Variants in MAGI3 observed in about 807,000 individuals in gnomAD.
The protein encoded by MAGI3 is membrane-associated guanylate kinase, WW and PDZ domain-containing protein 3.
MAGI3 carries 43 observed loss-of-function variants against 121.8 expected under a neutral mutation model. The ratio of observed to expected loss-of-function variants is 0.35; its 90% CI spans 0.28 to 0.46. The LOEUF (loss-of-function observed/expected upper bound fraction) is 0.46. MAGI3 is among the 20% of genes least tolerant of loss of function. The probability of loss-of-function intolerance (pLI) is 1.00; values close to 1 mark genes in which losing one functional copy is unlikely to be tolerated. For synonymous variants in MAGI3, 553 were observed against 639.3 expected, an observed-to-expected ratio of 0.86 and a Z score of 2.04; for missense variants, 1,547 against 1,797.3, an observed-to-expected ratio of 0.86 and a Z score of 2.52.
intron 19 of MAGI3, among the ~76,000 whole-genome samples, chr1:113,677,212 T>C (rs1266630006): frequency 6.6e-6 from 1 of 152,216 alleles, no homozygotes; most frequent in East Asian, 1.9e-4. Context: ...TAGGGAATAG[T>C]GTCAAACTTA....
chr1:113,403,278 T>G (rs903637070), intron 1 of MAGI3, among the ~76,000 whole-genome samples: 2 of 151,932 alleles, frequency 1.3e-5, no homozygotes, highest in Middle Eastern at 3.2e-3. Context: ...ATCCAGGTGA[T>G]CAGGGCAGCC....
At chr1:113,609,225 C>A (rs17031716) in intron 6 of MAGI3, among the ~76,000 whole-genome samples, 28,673 of 152,150 alleles carry the variant, frequency 0.19, 3,770 homozygotes, top group East Asian at 0.62. Flanking sequence ...TATTAGTATT[C>A]TCTGCAGTGC....
At chr1:113,402,732 A>C (rs1266988736) in intron 1 of MAGI3, among the ~76,000 whole-genome samples, 2 of 152,102 alleles carry the variant, frequency 1.3e-5, no homozygotes. Context: ...ACTGTCCTCA[A>C]GCTTGTTCGG....
intron 4 of MAGI3, among the ~76,000 whole-genome samples, chr1:113,587,849 T>C (rs925327118): frequency 1.3e-5 from 2 of 152,228 alleles, no homozygotes; most frequent in African/African-American, 4.8e-5. Flanking sequence ...ATGTAACTCC[T>C]TTCCAGATTG....
intron 1 of MAGI3, among the ~76,000 whole-genome samples, chr1:113,484,611 TATATATATA>T (rs1169749740): frequency 3.9e-5 from 5 of 129,364 alleles, no homozygotes; most frequent in Admixed American, 7.5e-5. Flanking sequence ...AGTGTTCTAT[TATATATATA>T]TATACCTACC....
intron 1 of MAGI3, among the ~76,000 whole-genome samples, chr1:113,418,788 A>C (rs1652587419): frequency 1.3e-5 from 2 of 152,150 alleles, no homozygotes; most frequent in South Asian, 4.1e-4. Flanking sequence ...AATTAATGAG[A>C]GAATATGATA....
intron 1 of MAGI3, among the ~76,000 whole-genome samples, chr1:113,451,573 T>C (rs550114656): frequency 1.3e-5 from 2 of 152,222 alleles, no homozygotes; most frequent in East Asian, 3.9e-4. Context: ...GCTGGAACAA[T>C]GTTATTTTTG....
intron 9 of MAGI3, among the ~76,000 whole-genome samples, chr1:113,636,039 G>A (rs971499300): frequency 1.6e-4 from 24 of 152,150 alleles, no homozygotes; most frequent in Admixed American, 4.6e-4. Context: ...ATTCTCTGAT[G>A]GTAGTTTGTA....
At chr1:113,563,210 AT>A (rs1265807190) in intron 2 of MAGI3, among the ~76,000 whole-genome samples, 1 of 152,180 alleles carries the variant, frequency 6.6e-6, no homozygotes, top group Admixed American at 6.5e-5. Context: ...AAACCAATTA[AT>A]TTTTTCAATA....
intron 19 of MAGI3, among the ~76,000 whole-genome samples, chr1:113,678,170 A>G (rs929634528): frequency 6.6e-6 from 1 of 151,798 alleles, no homozygotes; most frequent in Non-Finnish European, 1.5e-5. Flanking sequence ...TGGGTTGGAG[A>G]GCTTAAGCTA....
At chr1:113,470,269 T>A (rs1267144518) in intron 1 of MAGI3, among the ~76,000 whole-genome samples, 1 of 152,182 alleles carries the variant, frequency 6.6e-6, no homozygotes, top group African/African-American at 2.4e-5. Context: ...CCTTGTTTTG[T>A]TTCTTCTCTC....
chr1:113,600,301 A>G (rs1649286248), intron 6 of MAGI3, among the ~76,000 whole-genome samples: 1 of 152,178 alleles, frequency 6.6e-6, no homozygotes, highest in South Asian at 2.1e-4. Flanking sequence ...TGCAGATGAC[A>G]TGATAGTATA....
At chr1:113,680,361 G>T (rs766154570) in intron 19 of MAGI3, among the ~76,000 whole-genome samples, 2 of 152,182 alleles carry the variant, frequency 1.3e-5, no homozygotes, top group Non-Finnish European at 2.9e-5. Flanking sequence ...GCTCTCCTGC[G>T]AGAGTTGATA....
At position 113,653,902 on chromosome 1, in the gene MAGI3, C is replaced by T. The variant is rs1653321540; in HGVS notation, c.2513C>T (p.Ala838Val). 1.2e-6 allele frequency: 2 copies of T among 1,613,918 alleles called. No individual in the cohort carries two copies. Among genetic ancestry groups the T allele is most frequent in the Admixed American group, 1.7e-5 (1 of 59,990 alleles). ...TQNGSPRLNR[A>V]EVPARPAPQE... ...AATGGATCTCCCCGCCTGAACCGGGCAGAGGTCCCAGCCAGGCCTGCACCC... is the reference window on the plus strand; with the variant it reads ...AATGGATCTCCCCGCCTGAACCGGGTAGAGGTCCCAGCCAGGCCTGCACCC... Residue 838 changes from alanine (A) to valine (V), a missense_variant, in exon 15 of 21, where the codon GCA (alanine) becomes GTA (valine). Physicochemically the swap from Ala to Val is moderately conservative, Grantham distance 64 (BLOSUM62 0). Coordinates refer to ENST00000307546, the MANE Select transcript of MAGI3 (RefSeq NM_001142782.2).
chr1:113,413,993 A>G (rs774745791), intron 1 of MAGI3, among the ~76,000 whole-genome samples: 15 of 152,190 alleles, frequency 9.9e-5, no homozygotes, highest in Non-Finnish European at 2.2e-4. Flanking sequence ...TAGCCCATTC[A>G]GTATGATATT....
rs1162521357 is a variant in MAGI3, at chr1:113,391,109, C to T, written c.76C>T (p.Pro26Ser). 3 of 1,581,776 alleles carry T rather than the reference C, an allele frequency of 1.9e-6. No individual in the cohort carries two copies. The highest frequency in any genetic ancestry group is 2.3e-5 in the South Asian group (2 of 86,704). The change falls in exon 1 of 21, where the codon CCG (proline) becomes TCG (serine). Residue 26 changes from proline (P) to serine (S), a missense_variant. By Grantham distance (74) the Pro-to-Ser change is moderately conservative. Transcript: ENST00000307546. The surrounding 1 kb of genome is among the most constrained non-coding windows in gnomAD (Gnocchi z 4.4). ...GTGCGCCGTGTCCTGGGCCGGGCCCCCGGGCGACTTCGGCGCGGAGATCCG... is the reference window on the plus strand; with the variant it reads ...GTGCGCCGTGTCCTGGGCCGGGCCCTCGGGCGACTTCGGCGCGGAGATCCG... ...QECAVSWAGP[P>S]GDFGAEIRGG...
chr1:113,474,930 A>G (rs922340692), intron 1 of MAGI3, among the ~76,000 whole-genome samples: 1 of 152,138 alleles, frequency 6.6e-6, no homozygotes, highest in African/African-American at 2.4e-5. Context: ...AGTGGTTTGT[A>G]GTTCTCCTTG....
At chr1:113,517,242 TA>T (rs1322259945) in intron 1 of MAGI3, among the ~76,000 whole-genome samples, 7 of 151,926 alleles carry the variant, frequency 4.6e-5, no homozygotes, top group South Asian at 2.1e-4. Context: ...ATATTGATAA[TA>T]GGGGGAATTG....
rs1650920972 is a variant in MAGI3, at chr1:113,622,885, A to G, written c.1251A>G (p.Thr417=). The G allele has an allele frequency of 6.2e-7, 1 of 1,604,334 alleles. No homozygotes were observed. ...VLVRASLKKS[T]MGFGFTIIGG... ...TTCGAGCATCACTGAAAAAAAGCAC[A>G]ATGGGATTTGGTTTTACTATTATTG... Residue 417 remains threonine (T), a synonymous_variant, in exon 9 of 21, where the codon ACA becomes ACG. Coordinates refer to ENST00000307546, the MANE Select transcript of MAGI3 (RefSeq NM_001142782.2).
Sources: gnomAD v4.1 joint callset for allele counts (sites outside exome capture counted in the v4.1 genomes callset) on GRCh38, gnomAD v4.1.1 for gene constraint, Gnocchi (gnomAD v3.1) non-coding constraint, MANE v1.5 for transcripts, NCBI Gene and HGNC (gene_info 2026-07-23, HGNC 2026-07-21) for gene names.